The following DPF1 variants were observed in gnomAD, a reference collection of about 807,000 sequenced individuals.
DPF1 encodes zinc finger protein neuro-d4.
A neutral mutation model predicts 58.7 loss-of-function variants in DPF1; 14 were observed. That is an observed-to-expected ratio of 0.24 (90% CI 0.16 to 0.37). DPF1 has a LOEUF of 0.37. Ranked by LOEUF, DPF1 falls within the 10% of genes least tolerant of loss-of-function variation. DPF1 has a pLI of 1.00. For missense variants in DPF1, 345 were observed against 529.9 expected, an observed-to-expected ratio of 0.65 and a Z score of 3.43; for synonymous variants, 216 against 216.0, an observed-to-expected ratio of 1.00 and a Z score of 0.00.
At position 38,217,829 on chromosome 19, in the gene DPF1, CA is replaced by C; in HGVS notation, c.563del (p.Leu188ArgfsTer122). 1 of 1,614,148 alleles carries C rather than the reference CA, an allele frequency of 6.2e-7. No homozygotes were observed. Among genetic ancestry groups the C allele is most frequent in the Non-Finnish European group, 8.5e-7 (1 of 1,180,024 alleles). On this transcript the variant is annotated frameshift_variant, in exon 6 of 12. Transcript: ENST00000355526. LOFTEE classifies it high-confidence loss of function. The stretch of plus-strand genomic sequence containing the variant: ...AGACATACGGCTTGTCTCGGTCCTC[CA>C]GGGAAGCGGTGTCCTGGCGTTTCCG... ...GLRKRQDTAS[L>X]EDRDKPYVCD...
At chr19:38,224,395 C>T, upstream of DPF1, 2 of 849,582 alleles carry the variant, frequency 2.4e-6, no homozygotes, top group Non-Finnish European at 3.2e-6. This position sits in a 1 kb window ranked among gnomAD's most constrained non-coding sequence, Gnocchi z 4.5. Context: ...CACTCACCCG[C>T]CCTCACTCGT....
upstream of DPF1, among the ~76,000 whole-genome samples, chr19:38,225,116 C>T (rs1600289074): frequency 6.6e-6 from 1 of 152,256 alleles, no homozygotes; most frequent in Middle Eastern, 3.4e-3. Flanking sequence ...CATGGTGGCG[C>T]ATGCTTATAC....
At chr19:38,213,590 G>A in intron 10 of DPF1, 54 bp downstream of exon 10, 3 of 1,501,190 alleles carry the variant, frequency 2.0e-6, no homozygotes, top group African/African-American at 1.4e-5. Context: ...GGGCAGAGGT[G>A]GACGTGCCAG....
At chr19:38,226,093 C>T (rs552444409), upstream of DPF1, among the ~76,000 whole-genome samples, 313 of 152,088 alleles carry the variant, frequency 2.1e-3, no homozygotes, top group African/African-American at 7.3e-3. Context: ...GAGGCAGGCA[C>T]CCCTGACGGC....
chr19:38,213,752 G>GC lies in DPF1; in HGVS notation c.902_903insG (p.His301GlnfsTer44). The stretch of plus-strand genomic sequence containing the variant: ...TCACCGTGAATTGTAAACACGAGGG[G>GC]TGTCCTGGGGGCCAAGGGGCAGGGG... On this transcript the variant is annotated frameshift_variant, in exon 10 of 12. Transcript: ENST00000355526. LOFTEE classifies it high-confidence loss of function. The GC allele has an allele frequency of 6.2e-7, 1 of 1,613,512 alleles. No individual in the cohort carries two copies. Among genetic ancestry groups the GC allele is most frequent in the East Asian group, 2.2e-5 (1 of 44,858 alleles).
At chr19:38,218,840 G>A (rs1967231947) in intron 4 of DPF1, 91 bp downstream of exon 4, 3 of 1,578,128 alleles carry the variant, frequency 1.9e-6, no homozygotes, top group South Asian at 1.2e-5. Context: ...AAACCGGGGG[G>A]GTTTCAGAGC....
At chr19:38,215,514 CAAA>C (rs1966952887) in intron 9 of DPF1, among the ~76,000 whole-genome samples, 4 of 151,790 alleles carry the variant, frequency 2.6e-5, no homozygotes, top group Admixed American at 2.6e-4. Context: ...CAAAACAAAA[CAAA>C]ACAAAAACCT....
intron 9 of DPF1, 149 bp from the exon 10 acceptor site, chr19:38,213,905 C>T: frequency 1.6e-6 from 1 of 627,542 alleles, no homozygotes; most frequent in South Asian, 2.0e-5. Context: ...CACACCTGCC[C>T]AGCAACCACG....
Position 38,218,649 on chromosome 19 carries a change from A to C in DPF1, c.440T>G (p.Leu147Arg). 1 of 1,614,230 alleles carries C rather than the reference A, an allele frequency of 6.2e-7. No individual in the cohort carries two copies. Among genetic ancestry groups the C allele is most frequent in the African/African-American group, 1.3e-5 (1 of 75,056 alleles). Residue 147 changes from leucine (L) to arginine (R), a missense_variant, in exon 5 of 12, where the codon CTG becomes CGG. Leu to Arg is a moderately radical substitution (Grantham distance 102). Transcript: ENST00000355526. ...CACCTCGAGGTCATGCGGAAACTCC[A>C]GCAACTGCTGTTTCTGGGCAATAGA... ...TIMDCQKQQL[L>R]EFPHDLEVED...
At position 38,216,187 on chromosome 19, in the gene DPF1, G is replaced by A. The variant is rs1004539756; in HGVS notation, c.851C>T (p.Thr284Met). Residue 284 changes from threonine to methionine, a missense_variant, in exon 9 of 12, where the codon ACG (threonine) becomes ATG (methionine). Thr to Met is a moderately conservative substitution (Grantham distance 81, BLOSUM62 -1). Transcript: ENST00000355526. The part of the protein sequence containing the change: ...CDFCLGGSKK[T>M]GCPEDLISCA... ...GGAGATGAGGTCCTCGGGACACCCC[G>A]TCTTCTTGGAGCCCCCCAGGCAGAA... is the stretch of plus-strand genomic sequence containing the variant. 1.2e-6 allele frequency: 2 copies of A among 1,614,084 alleles called. No homozygotes were observed. Among genetic ancestry groups the A allele is most frequent in the Admixed American group, 1.7e-5 (1 of 60,020 alleles).
Position 38,222,782 on chromosome 19 carries a change from G to C in DPF1, c.30-74C>G. 7.0e-7 allele frequency: 1 copy of C among 1,431,158 alleles called. No homozygotes were observed. The highest frequency in any genetic ancestry group is 9.2e-7 in the Non-Finnish European group (1 of 1,092,400). The allele number at this position is 1,431,158 out of a possible 1,614,324, so 88.7% of individuals were successfully genotyped here. On this transcript the variant is annotated intron_variant, in intron 1 of 11. Transcript: ENST00000355526. This position sits in a 1 kb window ranked among gnomAD's most constrained non-coding sequence, Gnocchi z 4.9. The stretch of plus-strand genomic sequence containing the variant: ...CAGGGTCGCCCAGCACCCCTTCCCC[G>C]GCTGCCGGGCCGCCCAGGCTCGGGA...
intron 11 of DPF1, 35 bp downstream of exon 11, chr19:38,212,245 C>A: frequency 3.6e-6 from 2 of 549,934 alleles, no homozygotes; most frequent in South Asian, 1.7e-5. Flanking sequence ...CGTTCCCACC[C>A]ACCCGCCCCA....
rs1967966058 is a variant in DPF1, at chr19:38,229,619, C to T, written c.-192G>A. ...CCGCTCGGCTGGGCCGCCTCCGGCC[C>T]GGGGCGCCGCTGCCGCCGCGCGCGG... On this transcript the variant is annotated 5_prime_UTR_variant, in exon 1 of 12. Transcript: ENST00000412732. The surrounding 1 kb of genome is among the most constrained non-coding windows in gnomAD (Gnocchi z 5.3). 9.4e-7 allele frequency: 1 copy of T among 1,058,312 alleles called. No individual in the cohort carries two copies. The highest frequency in any genetic ancestry group is 1.1e-6 in the Non-Finnish European group (1 of 876,922). 65.6% of individuals were successfully genotyped at this position (1,058,312 alleles called of 1,614,324 possible). A position where few individuals can be genotyped will look rare whatever the true frequency, so the allele number is the denominator to read the frequency against.
intron 9 of DPF1, among the ~76,000 whole-genome samples, chr19:38,215,321 G>C (rs1351833846): frequency 6.6e-6 from 1 of 151,422 alleles, no homozygotes; most frequent in African/African-American, 2.4e-5. Flanking sequence ...TGAAACCCCC[G>C]TCTCTACTAA....
chr19:38,217,563 C>A lies in DPF1; in HGVS notation c.624G>T (p.Pro208=), dbSNP rs779203063. 2 of 1,551,400 alleles carry A rather than the reference C, an allele frequency of 1.3e-6. No homozygotes were observed. Among genetic ancestry groups the A allele is most frequent in the East Asian group, 2.4e-5 (1 of 40,906 alleles). The change falls in exon 7 of 12, where the codon CCG becomes CCT. Residue 208 remains proline, a synonymous_variant. Transcript: ENST00000355526. ...DICGKRYKNR[P]GLSYHYTHTH... ...TGTGGGTGTAGTGGTAGCTGAGCCCCGGCCGGTTCTTATACCGTTTCCCAC... is the reference window on the plus strand; with the variant it reads ...TGTGGGTGTAGTGGTAGCTGAGCCCAGGCCGGTTCTTATACCGTTTCCCAC...
At chr19:38,213,405 TCA>T (rs1973604169) in intron 10 of DPF1, among the ~76,000 whole-genome samples, 1 of 152,230 alleles carries the variant, frequency 6.6e-6, no homozygotes, top group Non-Finnish European at 1.5e-5. Context: ...CTCTCTGAGC[TCA>T]GTTTCTTCCC....
At position 38,229,458 on chromosome 19, in the gene DPF1, G is replaced by C. The variant is rs568559347; in HGVS notation, c.-132+101C>G. 1.1e-5 allele frequency: 7 copies of C among 659,340 alleles called. No individual in the cohort carries two copies. Among genetic ancestry groups the C allele is most frequent in the Non-Finnish European group, 1.4e-5 (7 of 505,654 alleles). The allele number at this position is 659,340 out of a possible 1,614,324, so 40.8% of individuals were successfully genotyped here. ...GCGCTGGGGGCCCCCATTCAACTAC[G>C]GTCCGCGCGCTGCGTCCCCCTCCTC... On this transcript the variant is annotated intron_variant, in intron 1 of 11. Coordinates refer to the DPF1 transcript ENST00000412732. The surrounding 1 kb of genome is among the most constrained non-coding windows in gnomAD (Gnocchi z 5.3).
intron 9 of DPF1, among the ~76,000 whole-genome samples, chr19:38,214,994 C>T (rs1966909887): frequency 6.8e-6 from 1 of 147,330 alleles, no homozygotes; most frequent in Admixed American, 6.7e-5. Flanking sequence ...CACCACCACA[C>T]CCAGCTAAAT....
upstream of DPF1, among the ~76,000 whole-genome samples, chr19:38,226,191 C>G (rs942907385): frequency 6.6e-6 from 1 of 151,774 alleles, no homozygotes; most frequent in East Asian, 2.0e-4. Flanking sequence ...GTGAGCAGAC[C>G]CACTGAGTCA....
Sources: gnomAD v4.1 joint callset for allele counts (sites outside exome capture counted in the v4.1 genomes callset) on GRCh38, gnomAD v4.1.1 for gene constraint, Gnocchi (gnomAD v3.1) non-coding constraint, MANE v1.5 for transcripts, NCBI Gene and HGNC (gene_info 2026-07-23, HGNC 2026-07-21) for gene names.